ASAH2B: variants seen among roughly 807,000 people sequenced by gnomAD.
ASAH2B encodes the protein N-acylsphingosine amidohydrolase 2B, also known as putative inactive neutral ceramidase B.
ASAH2B carries 1 observed loss-of-function variant against 2.9 expected under a neutral mutation model. The observed-to-expected ratio is 0.34, with a 90% CI of 0.12 to 1.63. ASAH2B has a LOEUF of 1.63. Among genes scored for constraint, ASAH2B ranks in the 40% most tolerant of loss-of-function variants. The pLI, the probability that ASAH2B is intolerant of heterozygous loss-of-function variation, is 0.36. For missense variants in ASAH2B, 9 were observed against 37.7 expected, an observed-to-expected ratio of 0.24 and a Z score of 1.99; for synonymous variants, 4 against 13.3, an observed-to-expected ratio of 0.30 and a Z score of 1.52.
At chr10:50,747,145 T>C (rs1839919924) in intron 3 of ASAH2B, among the ~76,000 whole-genome samples, 1 of 150,854 alleles carries the variant, frequency 6.6e-6, no homozygotes, top group African/African-American at 2.5e-5. Context: ...TTTCAGGTTT[T>C]ATATTTAAAT....
chr10:50,742,011 T>A (rs909151585), intron 1 of ASAH2B, among the ~76,000 whole-genome samples: 5 of 152,174 alleles, frequency 3.3e-5, no homozygotes, highest in African/African-American at 1.2e-4. Flanking sequence ...AAAAAACTAC[T>A]TATCAGGTAC....
rs1410326696 is a variant in ASAH2B at position 50,758,354 on chromosome 10, CAG to C, written c.*3618_*3619del. On this transcript the variant is annotated 3_prime_UTR_variant, in exon 6 of 6. Transcript: ENST00000647317. Reference sequence around the variant, plus strand: ...CATCTCATTTGAGTTCACAGGCTGACAGAGACTTCCATTCTAAACATTCTTCC... The same window carrying C: ...CATCTCATTTGAGTTCACAGGCTGACAGACTTCCATTCTAAACATTCTTCC... 1.8e-5 allele frequency: 2 copies of C among 109,794 alleles called. No individual in the cohort carries two copies. Among genetic ancestry groups the C allele is most frequent in the Non-Finnish European group, 3.7e-5 (2 of 53,864 alleles). The allele number at this position is 109,794 out of a possible 1,614,324, so 6.8% of individuals were successfully genotyped here.
intron 3 of ASAH2B, among the ~76,000 whole-genome samples, chr10:50,746,136 A>G (rs1839901884): frequency 6.6e-6 from 1 of 151,518 alleles, no homozygotes; most frequent in Non-Finnish European, 1.5e-5. Flanking sequence ...ATAGAATATA[A>G]AATTTCAACC....
At chr10:50,754,162 C>CAT (rs1384379509) in intron 5 of ASAH2B, among the ~76,000 whole-genome samples, 4 of 150,680 alleles carry the variant, frequency 2.7e-5, no homozygotes, top group Non-Finnish European at 1.5e-5. Context: ...TGTATACACA[C>CAT]ACACATATAT....
chr10:50,740,580 A>G (rs1172888914), intron 1 of ASAH2B, among the ~76,000 whole-genome samples: 3 of 152,108 alleles, frequency 2.0e-5, no homozygotes, highest in Admixed American at 6.6e-5. Flanking sequence ...ACTAGTTTGG[A>G]TTTCCTCTGC....
chr10:50,751,524 T>G (rs1839978339), intron 4 of ASAH2B, among the ~76,000 whole-genome samples: 1 of 150,926 alleles, frequency 6.6e-6, no homozygotes, highest in African/African-American at 2.5e-5. Flanking sequence ...TCATTTGCCA[T>G]AAATAGACAG....
intron 3 of ASAH2B, among the ~76,000 whole-genome samples, chr10:50,746,755 T>G (rs1839911405): frequency 6.6e-6 from 1 of 151,076 alleles, no homozygotes; most frequent in African/African-American, 2.5e-5. Flanking sequence ...TGATCACTGA[T>G]ATTGAACATT....
chr10:50,755,978 T>C lies in ASAH2B; in HGVS notation c.*1238T>C, dbSNP rs1837079808. On this transcript the variant is annotated 3_prime_UTR_variant, in exon 6 of 6. Coordinates refer to ENST00000647317, the MANE Select transcript of ASAH2B (RefSeq NM_001321958.2). ...CTAAATACTATTTTGAAAGTTATTT[T>C]TGGGCATTGTAAAATACCTTGCTTC... is the stretch of plus-strand genomic sequence containing the variant. 1 of 130,304 alleles carries C rather than the reference T, an allele frequency of 7.7e-6. No homozygotes were observed. The highest frequency in any genetic ancestry group is 2.5e-5 in the African/African-American group (1 of 40,286). The allele number at this position is 130,304 out of a possible 1,614,324, so 8.1% of individuals were successfully genotyped here.
At chr10:50,753,039 T>G (rs1458533593) in intron 5 of ASAH2B, among the ~76,000 whole-genome samples, 1 of 142,348 alleles carries the variant, frequency 7.0e-6, no homozygotes, top group Non-Finnish European at 1.6e-5. Context: ...TAACTCTTAA[T>G]GACTTGAGTG....
intron 1 of ASAH2B, among the ~76,000 whole-genome samples, chr10:50,740,199 A>G (rs567811407): frequency 1.3e-5 from 2 of 152,168 alleles, no homozygotes; most frequent in Admixed American, 6.5e-5. Flanking sequence ...CGGGGAGGGA[A>G]GGTGTCCGGG....
intron 3 of ASAH2B, among the ~76,000 whole-genome samples, chr10:50,746,757 T>C (rs966947838): frequency 4.0e-5 from 6 of 151,056 alleles, no homozygotes; most frequent in Admixed American, 3.3e-4. Context: ...ATCACTGATA[T>C]TGAACATTTA....
chr10:50,742,344 A>T (rs978770990), intron 1 of ASAH2B, among the ~76,000 whole-genome samples: 6 of 152,172 alleles, frequency 3.9e-5, no homozygotes, highest in African/African-American at 1.4e-4. Flanking sequence ...GAAAGATGAC[A>T]TTCGCTGAGA....
intron 2 of ASAH2B, chr10:50,744,769 A>G (rs1400660515): frequency 5.0e-6 from 1 of 200,518 alleles, no homozygotes; most frequent in Non-Finnish European, 1.0e-5. Flanking sequence ...AATTAAAATA[A>G]TAATTACACT....
At position 50,757,423 on chromosome 10, in the gene ASAH2B, T is replaced by C. The variant is rs1425384479; in HGVS notation, c.*2683T>C. ...TTTCTTTTATTTTCTTTCTCTTTTT[T>C]ACTAGTTGGGCAAAAAAATTTCCTA... On this transcript the variant is annotated 3_prime_UTR_variant, in exon 6 of 6. Coordinates refer to ENST00000647317, the MANE Select transcript of ASAH2B (RefSeq NM_001321958.2). 6.6e-6 allele frequency: 1 copy of C among 151,662 alleles called. No individual in the cohort carries two copies. Among genetic ancestry groups the C allele is most frequent in the Non-Finnish European group, 1.5e-5 (1 of 67,728 alleles). 9.4% of individuals were successfully genotyped at this position (151,662 alleles called of 1,614,324 possible).
In ASAH2B at chr10:50,757,318, G is replaced by A. The variant is rs1451798944; in HGVS notation, c.*2578G>A. ...AAATGACTTGTAAATAACCACTGAA[G>A]CACAAGGGAACCACTTCTTTATCAG... On this transcript the variant is annotated 3_prime_UTR_variant, in exon 6 of 6. Transcript: ENST00000647317. 6.6e-6 allele frequency: 1 copy of A among 151,726 alleles called. No homozygotes were observed. The highest frequency in any genetic ancestry group is 1.5e-5 in the Non-Finnish European group (1 of 67,768). 9.4% of individuals were successfully genotyped at this position (151,726 alleles called of 1,614,324 possible). A position where few individuals can be genotyped will look rare whatever the true frequency, so the allele number is the denominator to read the frequency against.
intron 2 of ASAH2B, among the ~76,000 whole-genome samples, chr10:50,744,420 AT>A (rs1260775520): frequency 1.3e-5 from 2 of 151,724 alleles, no homozygotes; most frequent in African/African-American, 4.9e-5. Context: ...ATGGTAATAC[AT>A]AACCTATCTC....
At chr10:50,744,343 T>C (rs1301197824) in intron 2 of ASAH2B, among the ~76,000 whole-genome samples, 3 of 151,586 alleles carry the variant, frequency 2.0e-5, no homozygotes, top group Non-Finnish European at 4.4e-5. Context: ...ACCTTAAAAC[T>C]AGCTATGTGA....
rs139833523 is a variant in ASAH2B at position 50,743,027 on chromosome 10, TGTGC to T, written c.-4+33_-4+36del. On this transcript the variant is annotated intron_variant, in intron 2 of 5. Coordinates refer to ENST00000647317, the MANE Select transcript of ASAH2B (RefSeq NM_001321958.2). ...ATTGCTACGGTAATCAAATATTGTT[TGTGC>T]GTGCGTGCGTGCGTGTGTGTGTGTG... 34,055 of 1,605,658 alleles carry T rather than the reference TGTGC, an allele frequency of 0.021. 1,765 individuals carry two copies. In the East Asian group the frequency reaches 0.32, roughly 15 times the overall value.
intron 3 of ASAH2B, among the ~76,000 whole-genome samples, chr10:50,745,542 CTT>C (rs1294082690): frequency 8.1e-6 from 1 of 123,388 alleles, no homozygotes; most frequent in East Asian, 2.5e-4. Flanking sequence ...AGAGTTGTCT[CTT>C]AAGTCAAGGA....
Sources: gnomAD v4.1 joint callset for allele counts (sites outside exome capture counted in the v4.1 genomes callset) on GRCh38, gnomAD v4.1.1 for gene constraint, MANE v1.5 for transcripts, NCBI Gene and HGNC (gene_info 2026-07-23, HGNC 2026-07-21) for gene names.